CNTNAP2: variants seen among roughly 807,000 people sequenced by gnomAD.
The protein encoded by CNTNAP2 is contactin-associated protein-like 2.
CNTNAP2 carries 98 observed loss-of-function variants against 155.2 expected under a neutral mutation model. The observed-to-expected ratio is 0.63, with a 90% CI of 0.54 to 0.75. The LOEUF (loss-of-function observed/expected upper bound fraction) is 0.75. Among genes scored for constraint, CNTNAP2 ranks in the 30% least tolerant of loss-of-function variants. CNTNAP2 has a pLI of 0.00. For synonymous variants in CNTNAP2, 651 were observed against 631.2 expected (o/e 1.03, Z -0.47); for missense variants, 1,727 against 1,688.1 (o/e 1.02, Z -0.40).
chr7:148,079,487 G>C (rs1054728229), intron 15 of CNTNAP2, among the ~76,000 whole-genome samples: 1 of 152,130 alleles, frequency 6.6e-6, no homozygotes, highest in Non-Finnish European at 1.5e-5. Context: ...ACAGGTAGCC[G>C]GCTTTGGAGA....
intron 9 of CNTNAP2, among the ~76,000 whole-genome samples, chr7:147,331,141 C>T (rs957454829): frequency 6.6e-6 from 1 of 151,862 alleles, no homozygotes; most frequent in African/African-American, 2.4e-5. Context: ...AAATTATGCA[C>T]CTGAAATAAG....
intron 4 of CNTNAP2, among the ~76,000 whole-genome samples, chr7:147,107,875 A>G (rs1020568146): frequency 6.6e-6 from 1 of 152,174 alleles, no homozygotes; most frequent in African/African-American, 2.4e-5. Context: ...TTTGAAGCAT[A>G]TAACCCATTG....
chr7:146,724,353 G>A (rs1030665850), intron 1 of CNTNAP2, among the ~76,000 whole-genome samples: 2 of 151,916 alleles, frequency 1.3e-5, no homozygotes, highest in African/African-American at 2.4e-5. Flanking sequence ...GTAATGCATA[G>A]TAGAGCATTT....
At chr7:146,973,861 A>G (rs1004026356) in intron 3 of CNTNAP2, among the ~76,000 whole-genome samples, 1 of 152,164 alleles carries the variant, frequency 6.6e-6, no homozygotes, top group Non-Finnish European at 1.5e-5. Flanking sequence ...AAAAGAAATA[A>G]TCATAATCTC....
chr7:146,942,581 G>A (rs1013211580), intron 3 of CNTNAP2, among the ~76,000 whole-genome samples: 23 of 151,960 alleles, frequency 1.5e-4, no homozygotes, highest in Admixed American at 8.5e-4. Context: ...TAAAAAGGCC[G>A]ACACTGCAGT....
At chr7:147,507,831 G>T (rs574438696) in intron 11 of CNTNAP2, among the ~76,000 whole-genome samples, 3 of 152,024 alleles carry the variant, frequency 2.0e-5, no homozygotes, top group Admixed American at 1.3e-4. Flanking sequence ...GATTACAGGC[G>T]TGAGCCACCG....
intron 20 of CNTNAP2, among the ~76,000 whole-genome samples, chr7:148,234,754 C>T (rs1796018140): frequency 6.6e-6 from 1 of 152,174 alleles, no homozygotes; most frequent in African/African-American, 2.4e-5. Context: ...TAGGATAAAA[C>T]TAGCTGGAAA....
intron 12 of CNTNAP2, among the ~76,000 whole-genome samples, chr7:147,602,359 A>AT (rs35409223): frequency 0.015 from 2,242 of 146,220 alleles, 24 homozygotes; most frequent in South Asian, 0.028. Flanking sequence ...ACTTCAGTCT[A>AT]TTTTTTTTTT....
rs527954632 is a variant in CNTNAP2, at chr7:147,500,742, C to G, written c.1777+14701C>G. On this transcript the variant is annotated intron_variant, in intron 11 of 23. Transcript: ENST00000361727. ...TAAGAGAAGCTTTCTCTGTGGGATA[C>G]AGCATCTTAAATTCTTTTCAATTCT... Among the ~76,000 whole-genome samples the G allele has an allele frequency of 6.6e-5, 10 of 152,282 alleles. No individual in the cohort carries two copies. In the South Asian group the frequency reaches 1.2e-3, roughly 19 times the overall value.
chr7:146,810,475 T>C (rs1300861590), intron 2 of CNTNAP2, among the ~76,000 whole-genome samples: 1 of 152,080 alleles, frequency 6.6e-6, no homozygotes, highest in Non-Finnish European at 1.5e-5. Flanking sequence ...TCTTAGTTTA[T>C]GTAGATTTTA....
intron 14 of CNTNAP2, among the ~76,000 whole-genome samples, chr7:147,949,638 T>G (rs913519391): frequency 3.9e-5 from 6 of 151,908 alleles, no homozygotes; most frequent in African/African-American, 1.5e-4. Context: ...TAGCAAGAAA[T>G]AGACTCAGTG....
intron 1 of CNTNAP2, among the ~76,000 whole-genome samples, chr7:146,174,570 G>T (rs1798442946): frequency 6.6e-6 from 1 of 152,076 alleles, no homozygotes; most frequent in African/African-American, 2.4e-5. Context: ...GGGCGTGGTG[G>T]CTCACACCTG....
At chr7:146,744,695 A>C (rs1268363406) in intron 1 of CNTNAP2, among the ~76,000 whole-genome samples, 1 of 152,212 alleles carries the variant, frequency 6.6e-6, no homozygotes, top group Admixed American at 6.5e-5. Flanking sequence ...CCAATTAAAT[A>C]AAATGGGTGA....
chr7:148,038,323 T>G (rs1206577664), intron 15 of CNTNAP2, among the ~76,000 whole-genome samples: 1 of 152,206 alleles, frequency 6.6e-6, no homozygotes, highest in African/African-American at 2.4e-5. Flanking sequence ...ATGCATTTCA[T>G]GAATCTGTAC....
At chr7:147,262,676 A>G (rs577758784) in intron 8 of CNTNAP2, among the ~76,000 whole-genome samples, 6 of 152,190 alleles carry the variant, frequency 3.9e-5, no homozygotes, top group South Asian at 4.1e-4. Context: ...CGTGGTGGCG[A>G]GCGCCTGTAG....
intron 1 of CNTNAP2, among the ~76,000 whole-genome samples, chr7:146,669,596 C>T (rs1007524946): frequency 2.0e-5 from 3 of 151,888 alleles, no homozygotes; most frequent in African/African-American, 7.3e-5. Flanking sequence ...AAAATTTATC[C>T]AACTTTGGTA....
intron 1 of CNTNAP2, among the ~76,000 whole-genome samples, chr7:146,646,756 T>C (rs1799818909): frequency 6.6e-6 from 1 of 152,170 alleles, no homozygotes; most frequent in Non-Finnish European, 1.5e-5. Flanking sequence ...TCTACAAAGA[T>C]ATTTAACCTG....
At chr7:147,428,909 G>GT (rs754251708) in intron 10 of CNTNAP2, among the ~76,000 whole-genome samples, 16 of 151,756 alleles carry the variant, frequency 1.1e-4, no homozygotes, top group Non-Finnish European at 1.9e-4. Context: ...CCAGTGTGTA[G>GT]TTTTTTCTCT....
intron 8 of CNTNAP2, among the ~76,000 whole-genome samples, chr7:147,220,086 G>T (rs748983762): frequency 1.3e-5 from 2 of 151,768 alleles, no homozygotes; most frequent in Admixed American, 6.6e-5. Context: ...ACCACACCCG[G>T]CAGGCTGCAT....
Sources: gnomAD v4.1 joint callset for allele counts (sites outside exome capture counted in the v4.1 genomes callset) on GRCh38, gnomAD v4.1.1 for gene constraint, MANE v1.5 for transcripts, NCBI Gene and HGNC (gene_info 2026-07-23, HGNC 2026-07-21) for gene names.